Variants in PSME4 observed in about 807,000 individuals in gnomAD.
PSME4 encodes the protein proteasome activator complex subunit 4.
PSME4 carries 89 observed loss-of-function variants against 253.9 expected under a neutral mutation model. That is an observed-to-expected ratio of 0.35 (90% CI 0.30 to 0.42). PSME4 has a LOEUF of 0.42. Among genes scored for constraint, PSME4 ranks in the 10% least tolerant of loss-of-function variants. The pLI, the probability that PSME4 is intolerant of heterozygous loss-of-function variation, is 1.00. For missense variants in PSME4, 2,014 were observed against 2,195.2 expected, an observed-to-expected ratio of 0.92 and a Z score of 1.65; for synonymous variants, 851 against 759.2, an observed-to-expected ratio of 1.12 and a Z score of -1.99.
At chr2:53,894,084 C>G (rs140721301) in intron 34 of PSME4, among the ~76,000 whole-genome samples, 6 of 152,192 alleles carry the variant, frequency 3.9e-5, no homozygotes, top group Admixed American at 2.0e-4. Flanking sequence ...AGACTGAAAG[C>G]CACTGTAACA....
intron 28 of PSME4, among the ~76,000 whole-genome samples, chr2:53,900,722 C>G (rs1312655375): frequency 6.6e-6 from 1 of 152,014 alleles, no homozygotes; most frequent in Non-Finnish European, 1.5e-5. Flanking sequence ...AATAGCAACC[C>G]TATGTTTGAT....
intron 1 of PSME4, among the ~76,000 whole-genome samples, chr2:53,965,886 C>A (rs1238930044): frequency 6.6e-6 from 1 of 151,954 alleles, no homozygotes; most frequent in Non-Finnish European, 1.5e-5. Flanking sequence ...GTTGGTGAGG[C>A]TGGTCTCGAA....
Position 53,940,546 on chromosome 2 carries a change from A to G in PSME4, c.501-546T>C, listed in dbSNP as rs950560098. ...AGTTAGTCGAGTAACATTAAAAATTATAACTTACTTTACAACATGTAGTTG... is the reference window on the plus strand; with the variant it reads ...AGTTAGTCGAGTAACATTAAAAATTGTAACTTACTTTACAACATGTAGTTG... On this transcript the variant is annotated intron_variant, in intron 3 of 46. Transcript: ENST00000404125. Among the ~76,000 whole-genome samples, 3 of 152,140 alleles carry G rather than the reference A, an allele frequency of 2.0e-5. No individual in the cohort carries two copies. The East Asian group carries it at 5.8e-4, about 29-fold the overall frequency.
chr2:53,927,537 C>G (rs1368317098), intron 11 of PSME4, 54 bp from the exon 12 acceptor site: 1 of 1,223,454 alleles, frequency 8.2e-7, no homozygotes, highest in African/African-American at 1.5e-5. Context: ...TTCAGAAATA[C>G]AAGTATACCA....
chr2:53,905,862 T>A (rs1295372842), intron 26 of PSME4, among the ~76,000 whole-genome samples: 1 of 152,150 alleles, frequency 6.6e-6, no homozygotes, highest in East Asian at 1.9e-4. Context: ...ACCAGAAATG[T>A]TTTGGATTTG....
intron 44 of PSME4, among the ~76,000 whole-genome samples, chr2:53,867,568 C>T (rs1160906336): frequency 6.9e-6 from 1 of 145,808 alleles, no homozygotes; most frequent in Non-Finnish European, 1.5e-5. Context: ...AGACAAGAGG[C>T]TGAGGCAGGA....
At chr2:53,950,026 GCA>G (rs1377181558) in intron 1 of PSME4, among the ~76,000 whole-genome samples, 2 of 152,142 alleles carry the variant, frequency 1.3e-5, no homozygotes, top group Non-Finnish European at 2.9e-5. Flanking sequence ...TGTAATCCCT[GCA>G]CTTTGAGAGG....
intron 43 of PSME4, among the ~76,000 whole-genome samples, 169 bp downstream of exon 43, chr2:53,874,170 G>A (rs1679018297): frequency 6.6e-6 from 1 of 152,104 alleles, no homozygotes; most frequent in Admixed American, 6.6e-5. Flanking sequence ...ACGTTGTCCA[G>A]GCTGGTCTCA....
intron 36 of PSME4, 39 bp from the exon 37 acceptor site, chr2:53,890,247 C>G: frequency 1.5e-6 from 2 of 1,355,790 alleles, no homozygotes; most frequent in Non-Finnish European, 1.0e-6. Context: ...GTTAATGACA[C>G]TCAGAACATT....
chr2:53,963,231 T>TG lies in PSME4; in HGVS notation c.242+7311dup, dbSNP rs796412676. ...GTCCAAGCTAACCAGGAGCCTGAGATGGGAGGATCGCTCGAGGCCAGGAGC... is the reference window on the plus strand; with the variant it reads ...GTCCAAGCTAACCAGGAGCCTGAGATGGGGAGGATCGCTCGAGGCCAGGAGC... On this transcript the variant is annotated intron_variant, in intron 1 of 46. Transcript: ENST00000404125. Among the ~76,000 whole-genome samples the TG allele has an allele frequency of 4.0e-5, 6 of 151,864 alleles. 1 individual carries two copies. The highest frequency in any genetic ancestry group is 1.5e-4 in the African/African-American group (6 of 41,372).
intron 26 of PSME4, among the ~76,000 whole-genome samples, chr2:53,904,920 G>A (rs541485534): frequency 2.6e-5 from 4 of 151,970 alleles, no homozygotes; most frequent in South Asian, 2.1e-4. Context: ...CTCAGGCGGC[G>A]GAGGTTGCAG....
rs1670083747 is a variant in PSME4 at position 53,953,306 on chromosome 2, T to C, written c.243-4023A>G. Among the ~76,000 whole-genome samples the C allele has an allele frequency of 2.6e-5, 4 of 151,948 alleles. No homozygotes were observed. In the South Asian group the frequency reaches 8.3e-4, roughly 32 times the overall value. On this transcript the variant is annotated intron_variant, in intron 1 of 46. Coordinates refer to ENST00000404125, the MANE Select transcript of PSME4 (RefSeq NM_014614.3). Reference sequence around the variant, plus strand: ...TAAAAAGCCCAGAAATACATATATTTGACAAAGAACTCATATCCAAATTAC... The same window carrying C: ...TAAAAAGCCCAGAAATACATATATTCGACAAAGAACTCATATCCAAATTAC...
At chr2:53,917,884 C>T (rs1668129365) in intron 20 of PSME4, among the ~76,000 whole-genome samples, 1 of 152,084 alleles carries the variant, frequency 6.6e-6, no homozygotes, top group African/African-American at 2.4e-5. Flanking sequence ...TATCAAACAA[C>T]AAAACTAATG....
chr2:53,919,894 C>G (rs1668220386), intron 19 of PSME4, among the ~76,000 whole-genome samples: 6 of 151,538 alleles, frequency 4.0e-5, no homozygotes, highest in Admixed American at 3.3e-4. Flanking sequence ...TCTAGGAAAA[C>G]AGGCATTCCT....
intron 8 of PSME4, among the ~76,000 whole-genome samples, 190 bp downstream of exon 8, chr2:53,934,415 T>C (rs1232347687): frequency 6.6e-6 from 1 of 152,136 alleles, no homozygotes; most frequent in Non-Finnish European, 1.5e-5. Context: ...GTCCATTGGT[T>C]AGGGAGATTT....
At chr2:53,917,205 C>G (rs955319793) in intron 20 of PSME4, 1 of 157,506 alleles carries the variant, frequency 6.3e-6, no homozygotes, top group Non-Finnish European at 1.4e-5. Flanking sequence ...ACCTTTCAGG[C>G]TAAATTTATC....
chr2:53,958,741 T>C (rs897056764), intron 1 of PSME4, among the ~76,000 whole-genome samples: 1 of 151,778 alleles, frequency 6.6e-6, no homozygotes, highest in Admixed American at 6.6e-5. Flanking sequence ...AATGCTATGA[T>C]TATACCTAAA....
At position 53,936,842 on chromosome 2, in the gene PSME4, T is replaced by C; in HGVS notation, c.696-15A>G. The C allele has an allele frequency of 6.4e-7, 1 of 1,567,230 alleles. No individual in the cohort carries two copies. The highest frequency in any genetic ancestry group is 8.7e-7 in the Non-Finnish European group (1 of 1,153,366). ...CAAACCAAAGTCTAAAGAAGAAAAA[T>C]GTTGTTATGAATAGCAAGTGATTTT... is the stretch of plus-strand genomic sequence containing the variant. On this transcript the variant is annotated splice_polypyrimidine_tract_variant and intron_variant, in intron 5 of 46. Transcript: ENST00000404125.
chr2:53,920,493 G>T (rs1668263234), intron 18 of PSME4, 143 bp from the exon 19 acceptor site: 1 of 859,160 alleles, frequency 1.2e-6, no homozygotes, highest in Non-Finnish European at 1.7e-6. Flanking sequence ...ATACAAAAAA[G>T]TAGCATGAAA....
Sources: gnomAD v4.1 joint callset for allele counts (sites outside exome capture counted in the v4.1 genomes callset) on GRCh38, gnomAD v4.1.1 for gene constraint, MANE v1.5 for transcripts, NCBI Gene and HGNC (gene_info 2026-07-23, HGNC 2026-07-21) for gene names.